ABHD17C: variants seen among roughly 807,000 people sequenced by gnomAD.
ABHD17C encodes alpha/beta hydrolase domain-containing protein 17C.
Under a neutral mutation model 27.9 loss-of-function variants are expected in ABHD17C, and 11 were observed. That is an observed-to-expected ratio of 0.39 (90% CI 0.25 to 0.65). The LOEUF (loss-of-function observed/expected upper bound fraction) is 0.65, where lower values mean the gene tolerates loss of function less well. ABHD17C is among the 30% of genes least tolerant of loss of function. The pLI is 0.45. For missense variants in ABHD17C, 280 were observed against 470.2 expected, an observed-to-expected ratio of 0.60 and a Z score of 3.74; for synonymous variants, 233 against 209.1, an observed-to-expected ratio of 1.11 and a Z score of -0.98.
chr15:80,702,114 C>T (rs1894581437), intron 1 of ABHD17C, among the ~76,000 whole-genome samples: 1 of 152,168 alleles, frequency 6.6e-6, no homozygotes, highest in South Asian at 2.1e-4. Flanking sequence ...TGTTAATGGG[C>T]AATAACTCCT....
intron 1 of ABHD17C, among the ~76,000 whole-genome samples, chr15:80,712,134 C>T (rs1006342896): frequency 2.6e-5 from 4 of 152,216 alleles, no homozygotes; most frequent in African/African-American, 9.6e-5. Context: ...CCTTTGGTTA[C>T]TGATGACTGT....
chr15:80,753,793 T>G (rs534771736), intron 2 of ABHD17C, among the ~76,000 whole-genome samples: 1 of 152,256 alleles, frequency 6.6e-6, no homozygotes, highest in East Asian at 1.9e-4. Context: ...GAAAAAAAAC[T>G]AAATTACCAG....
intron 1 of ABHD17C, among the ~76,000 whole-genome samples, chr15:80,717,930 C>T (rs555462660): frequency 2.5e-4 from 38 of 152,294 alleles, no homozygotes; most frequent in African/African-American, 8.4e-4. Flanking sequence ...GCTCGCCTAA[C>T]GGAACTACTA....
At chr15:80,733,083 G>A (rs753610866) in intron 1 of ABHD17C, among the ~76,000 whole-genome samples, 13 of 152,170 alleles carry the variant, frequency 8.5e-5, no homozygotes, top group African/African-American at 1.2e-4. Context: ...TTCTATGGCC[G>A]TGGAGAGGGT....
At chr15:80,709,883 C>G (rs1894707113) in intron 1 of ABHD17C, among the ~76,000 whole-genome samples, 1 of 152,180 alleles carries the variant, frequency 6.6e-6, no homozygotes, top group African/African-American at 2.4e-5. Context: ...TAAGTGTCCA[C>G]TGTGGGCCAG....
rs1475779730 is a variant in ABHD17C, at chr15:80,754,754, C to G, written c.*384C>G. 1 of 171,386 alleles carries G rather than the reference C, an allele frequency of 5.8e-6. No homozygotes were observed. Among genetic ancestry groups the G allele is most frequent in the Non-Finnish European group, 1.3e-5 (1 of 79,880 alleles). 10.6% of individuals were successfully genotyped at this position (171,386 alleles called of 1,614,324 possible). A position where few individuals can be genotyped will look rare whatever the true frequency, so the allele number is the denominator to read the frequency against. ...TGTTCTCGGTATTTCACATGCAGCT[C>G]TCTTTCTGCCACTGGATACATGGGT... On this transcript the variant is annotated 3_prime_UTR_variant, in exon 3 of 3. Transcript: ENST00000258884.
At chr15:80,698,143 T>A (rs887116600) in intron 1 of ABHD17C, among the ~76,000 whole-genome samples, 1 of 147,664 alleles carries the variant, frequency 6.8e-6, no homozygotes, top group Non-Finnish European at 1.5e-5. Context: ...TGGCTCACTG[T>A]AAGCTCCACC....
In ABHD17C at chr15:80,695,747, C is replaced by T. The variant is rs761526321; in HGVS notation, c.318C>T (p.Ala106=). The T allele has an allele frequency of 1.4e-5, 21 of 1,535,556 alleles. No individual in the cohort carries two copies. Among genetic ancestry groups the T allele is most frequent in the Non-Finnish European group, 1.7e-5 (20 of 1,147,110 alleles). The part of the protein sequence containing the change: ...DWQYSQRELD[A]VEVFFSRTAR... ...AGTACTCGCAGCGCGAGCTGGACGC[C>T]GTCGAGGTCTTCTTCTCGCGCACGG... is the stretch of plus-strand genomic sequence containing the variant. Residue 106 remains alanine, a synonymous_variant, in exon 1 of 3, where the codon GCC becomes GCT. Transcript: ENST00000258884. The surrounding 1 kb of genome is among the most constrained non-coding windows in gnomAD (Gnocchi z 4.3).
chr15:80,732,299 C>T (rs545104990), intron 1 of ABHD17C, among the ~76,000 whole-genome samples: 1 of 152,314 alleles, frequency 6.6e-6, no homozygotes, highest in African/African-American at 2.4e-5. Flanking sequence ...CTCAATTCAG[C>T]GATGCTTCTG....
intron 2 of ABHD17C, among the ~76,000 whole-genome samples, chr15:80,751,679 A>C (rs1198726748): frequency 1.3e-5 from 2 of 152,212 alleles, no homozygotes. Context: ...GCCCAGCTTT[A>C]TCTCTTTGAG....
At position 80,739,245 on chromosome 15, in the gene ABHD17C, CT is replaced by C. The variant is rs376198066; in HGVS notation, c.591-10267del. Among the ~76,000 whole-genome samples, 55 of 152,332 alleles carry C rather than the reference CT, an allele frequency of 3.6e-4. No homozygotes were observed. The East Asian group carries it at 7.1e-3, about 20-fold the overall frequency. ...AAGGTAGAGAAGCCTCCCCTGGCCC[CT>C]GAAAACACAGCCTACCTGTGAGCTC... is the stretch of plus-strand genomic sequence containing the variant. On this transcript the variant is annotated intron_variant, in intron 1 of 2. Transcript: ENST00000258884.
intron 1 of ABHD17C, among the ~76,000 whole-genome samples, chr15:80,725,088 T>C (rs944496221): frequency 6.6e-5 from 10 of 152,216 alleles, no homozygotes; most frequent in Non-Finnish European, 8.8e-5. Context: ...ACCAGGGCAG[T>C]GTGCCTAACC....
chr15:80,728,576 T>G (rs970386409), intron 1 of ABHD17C, among the ~76,000 whole-genome samples: 1 of 152,242 alleles, frequency 6.6e-6, no homozygotes, highest in African/African-American at 2.4e-5. Context: ...GGCATTTTTA[T>G]TGGGCATTAG....
chr15:80,737,471 T>A (rs1386185301), intron 1 of ABHD17C, among the ~76,000 whole-genome samples: 2 of 152,220 alleles, frequency 1.3e-5, no homozygotes, highest in Admixed American at 6.5e-5. Flanking sequence ...TAGAATCACA[T>A]TCTGTTCAAA....
At chr15:80,738,199 A>G (rs1007778538) in intron 1 of ABHD17C, among the ~76,000 whole-genome samples, 8 of 152,156 alleles carry the variant, frequency 5.3e-5, no homozygotes, top group African/African-American at 1.9e-4. Flanking sequence ...GTATGCTGTT[A>G]GCGTGAGTCA....
chr15:80,699,300 A>G (rs1290927761), intron 1 of ABHD17C, among the ~76,000 whole-genome samples: 1 of 152,196 alleles, frequency 6.6e-6, no homozygotes, highest in Admixed American at 6.5e-5. Context: ...AACGAATTGC[A>G]CATAATGGGC....
rs531179472 is a variant in ABHD17C at position 80,754,751 on chromosome 15, G to C, written c.*381G>C. 1 of 171,586 alleles carries C rather than the reference G, an allele frequency of 5.8e-6. No individual in the cohort carries two copies. The highest frequency in any genetic ancestry group is 2.4e-5 in the African/African-American group (1 of 42,104). 10.6% of individuals were successfully genotyped at this position (171,586 alleles called of 1,614,324 possible). On this transcript the variant is annotated 3_prime_UTR_variant, in exon 3 of 3. Coordinates refer to ENST00000258884, the MANE Select transcript of ABHD17C (RefSeq NM_021214.2). The stretch of plus-strand genomic sequence containing the variant: ...CAATGTTCTCGGTATTTCACATGCA[G>C]CTCTCTTTCTGCCACTGGATACATG...
intron 1 of ABHD17C, among the ~76,000 whole-genome samples, chr15:80,708,470 C>A (rs1335094534): frequency 6.6e-6 from 1 of 152,182 alleles, no homozygotes; most frequent in Non-Finnish European, 1.5e-5. Flanking sequence ...CATGTGCCAC[C>A]ACGCCCAGCT....
At chr15:80,742,197 C>G (rs1167880103) in intron 1 of ABHD17C, among the ~76,000 whole-genome samples, 2 of 151,932 alleles carry the variant, frequency 1.3e-5, no homozygotes, top group African/African-American at 4.8e-5. Flanking sequence ...TTATGGAGGC[C>G]AAGTCCATGA....
Sources: gnomAD v4.1 joint callset for allele counts (sites outside exome capture counted in the v4.1 genomes callset) on GRCh38, gnomAD v4.1.1 for gene constraint, Gnocchi (gnomAD v3.1) non-coding constraint, MANE v1.5 for transcripts, NCBI Gene and HGNC (gene_info 2026-07-23, HGNC 2026-07-21) for gene names.